Variants in MGAT4A observed in about 807,000 individuals in gnomAD.
MGAT4A encodes the protein alpha-1,3-mannosyl-glycoprotein 4-beta-N-acetylglucosaminyltransferase A.
In MGAT4A, 33 loss-of-function variants were observed where a neutral mutation model predicts 74.1. That is an observed-to-expected ratio of 0.45 (90% CI 0.34 to 0.60). The LOEUF is 0.60. Ranked by LOEUF, MGAT4A falls within the 20% of genes least tolerant of loss-of-function variation. The probability of loss-of-function intolerance (pLI) is 0.02; values close to 1 mark genes in which losing one functional copy is unlikely to be tolerated. For synonymous variants in MGAT4A, 198 were observed against 210.4 expected, an observed-to-expected ratio of 0.94 and a Z score of 0.51; for missense variants, 479 against 628.3, an observed-to-expected ratio of 0.76 and a Z score of 2.54.
intron 1 of MGAT4A, among the ~76,000 whole-genome samples, chr2:98,729,310 A>C (rs992356433): frequency 9.2e-5 from 14 of 152,220 alleles, no homozygotes; most frequent in African/African-American, 3.4e-4. Flanking sequence ...ATTTTTAATT[A>C]GGGTTTCCCA....
At chr2:98,660,412 GCACGCGCACA>G (rs1701727230) in intron 5 of MGAT4A, among the ~76,000 whole-genome samples, 1 of 92,952 alleles carries the variant, frequency 1.1e-5, no homozygotes, top group African/African-American at 4.3e-5. Context: ...ACACACACAC[GCACGCGCACA>G]CACACACACA....
Position 98,625,736 on chromosome 2 carries a change from G to A in MGAT4A, c.1568C>T (p.Ala523Val). The change falls in exon 15 of 16, where the codon GCC becomes GTC. Residue 523 changes from alanine (A) to valine (V), a missense_variant. Coordinates refer to ENST00000393487, the MANE Select transcript of MGAT4A (RefSeq NM_012214.3). ...LSVIQNSAVW[A>V]ILNEIHIKKA... ...ATATATGCTTACCTCATTAAGAATG[G>A]CCCAAACAGCAGAATTCTGAATAAC... The A allele has an allele frequency of 2.5e-6, 4 of 1,609,632 alleles. No homozygotes were observed. Among genetic ancestry groups the A allele is most frequent in the African/African-American group, 2.7e-5 (2 of 74,868 alleles).
intron 2 of MGAT4A, among the ~76,000 whole-genome samples, chr2:98,679,013 C>T (rs62158002): frequency 0.24 from 35,917 of 152,060 alleles, 5,032 homozygotes; most frequent in Non-Finnish European, 0.32. Context: ...AGCCCTGATC[C>T]CTAAAAACCC....
In MGAT4A at chr2:98,622,490, A is replaced by G; in HGVS notation, c.*3076T>C. Reference sequence around the variant, plus strand: ...CTTTTTCCATTTACTATTTTGGTAAAATGATTCGGCGCCCTCTCAAGGCAA... The same window carrying G: ...CTTTTTCCATTTACTATTTTGGTAAGATGATTCGGCGCCCTCTCAAGGCAA... On this transcript the variant is annotated 3_prime_UTR_variant, in exon 16 of 16. Transcript: ENST00000393487. The G allele has an allele frequency of 1.0e-6, 1 of 985,428 alleles. No individual in the cohort carries two copies. The highest frequency in any genetic ancestry group is 1.2e-6 in the Non-Finnish European group (1 of 829,940). The allele number at this position is 985,428 out of a possible 1,614,324, so 61.0% of individuals were successfully genotyped here. A position where few individuals can be genotyped will look rare whatever the true frequency, so the allele number is the denominator to read the frequency against.
chr2:98,709,788 C>A (rs995609161), intron 2 of MGAT4A, among the ~76,000 whole-genome samples: 1 of 152,218 alleles, frequency 6.6e-6, no homozygotes, highest in African/African-American at 2.4e-5. Flanking sequence ...TAAATTCAAG[C>A]CATGACTGGC....
At chr2:98,647,664 C>T (rs1032067143) in intron 8 of MGAT4A, among the ~76,000 whole-genome samples, 1 of 152,192 alleles carries the variant, frequency 6.6e-6, no homozygotes, top group Non-Finnish European at 1.5e-5. Flanking sequence ...ACTCAAGCAC[C>T]ACCTGTGAAG....
chr2:98,643,895 C>T, intron 10 of MGAT4A, 28 bp downstream of exon 10: 3 of 1,471,180 alleles, frequency 2.0e-6, no homozygotes, highest in Non-Finnish European at 2.7e-6. Flanking sequence ...AGTGAAACTC[C>T]CTCCACTCTG....
chr2:98,726,213 C>G (rs1214003152), intron 2 of MGAT4A, 26 bp downstream of exon 2: 4 of 1,588,214 alleles, frequency 2.5e-6, no homozygotes, highest in South Asian at 1.1e-5. Context: ...ACATTTCATG[C>G]ACATTTTCCG....
intron 8 of MGAT4A, among the ~76,000 whole-genome samples, chr2:98,651,992 G>T (rs1701585833): frequency 6.6e-6 from 1 of 152,106 alleles, no homozygotes; most frequent in South Asian, 2.1e-4. Flanking sequence ...TAATAAAAGG[G>T]TCAGTCAAAT....
Position 98,708,734 on chromosome 2 carries a change from T to C in MGAT4A, c.94+17505A>G, listed in dbSNP as rs181497211. Among the ~76,000 whole-genome samples the C allele has an allele frequency of 5.2e-4, 79 of 152,364 alleles. 1 individual carries two copies. The highest frequency in any genetic ancestry group is 5.0e-3 in the Admixed American group (77 of 15,304). ...TGATTTTTCAACCTAAAAACAACAGTTAAACTGGTTGTTTAACCATCAGGT... is the reference window on the plus strand; with the variant it reads ...TGATTTTTCAACCTAAAAACAACAGCTAAACTGGTTGTTTAACCATCAGGT... On this transcript the variant is annotated intron_variant, in intron 2 of 15. Coordinates refer to ENST00000393487, the MANE Select transcript of MGAT4A (RefSeq NM_012214.3).
intron 2 of MGAT4A, among the ~76,000 whole-genome samples, chr2:98,681,108 G>C (rs533664445): frequency 1.3e-5 from 2 of 151,948 alleles, no homozygotes; most frequent in Non-Finnish European, 2.9e-5. Context: ...TCAGCCTCCC[G>C]AGTAGCTGGG....
intron 2 of MGAT4A, among the ~76,000 whole-genome samples, chr2:98,709,506 T>C (rs1441771778): frequency 2.6e-5 from 4 of 152,040 alleles, no homozygotes; most frequent in Non-Finnish European, 5.9e-5. Context: ...ATAAGACATT[T>C]TACAAGTCTT....
intron 6 of MGAT4A, 33 bp from the exon 7 acceptor site, chr2:98,656,498 T>C: frequency 1.4e-6 from 2 of 1,402,774 alleles, no homozygotes; most frequent in East Asian, 4.6e-5. Context: ...GTTACTTAAG[T>C]TCTGTGGGAT....
intron 4 of MGAT4A, among the ~76,000 whole-genome samples, chr2:98,667,741 CAG>C (rs1701856655): frequency 6.7e-6 from 1 of 149,834 alleles, no homozygotes; most frequent in Non-Finnish European, 1.5e-5. Context: ...TGTTTTGAGA[CAG>C]AGTTTCGATC....
chr2:98,631,407 G>A (rs1701231234), intron 14 of MGAT4A, among the ~76,000 whole-genome samples: 1 of 152,238 alleles, frequency 6.6e-6, no homozygotes, highest in African/African-American at 2.4e-5. Context: ...CACCGACCTA[G>A]GTGAGGACAG....
Position 98,639,984 on chromosome 2 carries a change from T to A in MGAT4A, c.1146A>T (p.Lys382Asn), listed in dbSNP as rs1159294169. 4 of 1,612,918 alleles carry A rather than the reference T, an allele frequency of 2.5e-6. No individual in the cohort carries two copies. In the African/African-American group the frequency reaches 5.3e-5, roughly 22 times the overall value. Residue 382 changes from lysine (K) to asparagine (N), a missense_variant, in exon 12 of 16, where the codon AAA becomes AAT. This residue lies in a region of MGAT4A where 236 missense variants were observed against 308.2 expected (regional missense o/e 0.77). Coordinates refer to ENST00000393487, the MANE Select transcript of MGAT4A (RefSeq NM_012214.3). ...IQKLTDKDYM[K>N]PLLLKIHVNP... ...TTACATGGATTTTAAGAAGTAATGGTTTCATATAATCTTTATCCTGGGAGC... is the reference window on the plus strand; with the variant it reads ...TTACATGGATTTTAAGAAGTAATGGATTCATATAATCTTTATCCTGGGAGC...
chr2:98,624,724 T>G lies in MGAT4A; in HGVS notation c.*842A>C. 4.1e-6 allele frequency: 4 copies of G among 982,956 alleles called. No homozygotes were observed. Among genetic ancestry groups the G allele is most frequent in the Non-Finnish European group, 4.8e-6 (4 of 827,562 alleles). 60.9% of individuals were successfully genotyped at this position (982,956 alleles called of 1,614,324 possible). A position where few individuals can be genotyped will look rare whatever the true frequency, so the allele number is the denominator to read the frequency against. The stretch of plus-strand genomic sequence containing the variant: ...TACATATCAGAGGAAATATAATAAG[T>G]TAAGTCTACAATAATCTGGGTTGAA... On this transcript the variant is annotated 3_prime_UTR_variant, in exon 16 of 16. Coordinates refer to ENST00000393487, the MANE Select transcript of MGAT4A (RefSeq NM_012214.3).
At chr2:98,722,571 G>A (rs1219953026) in intron 2 of MGAT4A, among the ~76,000 whole-genome samples, 1 of 152,158 alleles carries the variant, frequency 6.6e-6, no homozygotes, top group Non-Finnish European at 1.5e-5. Context: ...AATAGCTAAA[G>A]GGTATAGGAT....
At chr2:98,716,652 C>T (rs1172541013) in intron 2 of MGAT4A, among the ~76,000 whole-genome samples, 1 of 152,162 alleles carries the variant, frequency 6.6e-6, no homozygotes, top group Non-Finnish European at 1.5e-5. Flanking sequence ...ACATCAACAT[C>T]ATTTCTGTGG....
Sources: gnomAD v4.1 joint callset for allele counts (sites outside exome capture counted in the v4.1 genomes callset) on GRCh38, gnomAD v4.1.1 for gene constraint, gnomAD v4.1.1 regional missense constraint, MANE v1.5 for transcripts, NCBI Gene and HGNC (gene_info 2026-07-23, HGNC 2026-07-21) for gene names.